Variants in CEP192 observed in about 807,000 individuals in gnomAD.
The protein encoded by CEP192 is centrosomal protein 192.
A neutral mutation model predicts 271.8 loss-of-function variants in CEP192; 151 were observed. The observed-to-expected ratio is 0.56, with a 90% CI of 0.49 to 0.64. The LOEUF is 0.64. Ranked by LOEUF, CEP192 falls within the 30% of genes least tolerant of loss-of-function variation. The probability of loss-of-function intolerance (pLI) is 0.00; values close to 1 mark genes in which losing one functional copy is unlikely to be tolerated. For missense variants in CEP192, 2,910 were observed against 3,020.5 expected (o/e 0.96, Z 0.86); for synonymous variants, 995 against 1,076.5 (o/e 0.92, Z 1.48).
At chr18:13,018,742 C>T (rs1174283914) in intron 8 of CEP192, 127 bp downstream of exon 8, 2 of 636,920 alleles carry the variant, frequency 3.1e-6, no homozygotes, top group African/African-American at 3.8e-5. Context: ...GGTCTTTAGA[C>T]AGTCTAAAAC....
At chr18:13,014,731 T>C (rs755297889) in intron 5 of CEP192, among the ~76,000 whole-genome samples, 70 of 152,220 alleles carry the variant, frequency 4.6e-4, no homozygotes, top group Non-Finnish European at 8.7e-4. Context: ...TAAGATTCCA[T>C]GTTTCTGTCT....
chr18:13,018,615 A>T lies in CEP192; in HGVS notation c.925A>T (p.Ser309Cys). 6.7e-7 allele frequency: 1 copy of T among 1,501,348 alleles called. No homozygotes were observed. The allele number at this position is 1,501,348 out of a possible 1,614,324, so 93.0% of individuals were successfully genotyped here. Residue 309 changes from serine (S) to cysteine (C), a missense_variant and splice_region_variant, in exon 8 of 45, where the codon AGT becomes TGT. By Grantham distance (112) the Ser-to-Cys change is moderately radical (BLOSUM62 -1). Coordinates refer to ENST00000506447, the MANE Select transcript of CEP192 (RefSeq NM_032142.4). ...CCAAGTTATTTGTCTACCTGGGACT[A>T]GTAAGTATAGAAATATGATTCTTTT... Reference protein sequence around the residue: ...ESQVICLPGTSNSIGTGDSRR... With the variant: ...ESQVICLPGTCNSIGTGDSRR...
chr18:13,052,870 T>C (rs2036870001), intron 17 of CEP192, 49 bp from the exon 18 acceptor site: 3 of 1,415,356 alleles, frequency 2.1e-6, no homozygotes, highest in East Asian at 2.4e-5. Flanking sequence ...CTAATGTAGA[T>C]AGTTGAAGGA....
At chr18:13,103,398 C>G (rs1369077730) in intron 38 of CEP192, 111 bp from the exon 39 acceptor site, 4 of 757,360 alleles carry the variant, frequency 5.3e-6, no homozygotes, top group Non-Finnish European at 9.4e-6. Flanking sequence ...CTTTAGGGAT[C>G]TAATGATTGG....
chr18:13,098,340 G>A (rs1300507093), intron 36 of CEP192, among the ~76,000 whole-genome samples: 2 of 152,024 alleles, frequency 1.3e-5, no homozygotes, highest in African/African-American at 2.4e-5. Flanking sequence ...CCTCCCTCCC[G>A]GACAGGGTGG....
At chr18:13,028,642 C>T (rs2035443008) in intron 9 of CEP192, among the ~76,000 whole-genome samples, 2 of 152,192 alleles carry the variant, frequency 1.3e-5, no homozygotes, top group Admixed American at 6.5e-5. Context: ...GCCTCAGCCT[C>T]CCGAGTAGCT....
intron 21 of CEP192, among the ~76,000 whole-genome samples, chr18:13,059,804 C>T (rs1479634915): frequency 6.6e-6 from 1 of 152,110 alleles, no homozygotes; most frequent in Admixed American, 6.5e-5. Flanking sequence ...CTGGGGGCTT[C>T]TAAATGTACC....
chr18:13,097,954 G>T (rs1226040105), intron 36 of CEP192, among the ~76,000 whole-genome samples: 1 of 152,166 alleles, frequency 6.6e-6, no homozygotes, highest in Non-Finnish European at 1.5e-5. Flanking sequence ...AGAACACAGG[G>T]TTGGGGGTAA....
chr18:13,043,637 C>T (rs1390013787), intron 15 of CEP192, among the ~76,000 whole-genome samples: 1 of 152,168 alleles, frequency 6.6e-6, no homozygotes, highest in African/African-American at 2.4e-5. Flanking sequence ...TCAGCTTCTA[C>T]ACACCAACCA....
chr18:13,017,662 G>A (rs1300777463), intron 7 of CEP192, among the ~76,000 whole-genome samples: 3 of 152,264 alleles, frequency 2.0e-5, no homozygotes, highest in African/African-American at 7.2e-5. Context: ...GTAAGTCACA[G>A]AGAGTATGAC....
intron 40 of CEP192, among the ~76,000 whole-genome samples, chr18:13,107,637 C>T (rs1460776226): frequency 6.6e-6 from 1 of 152,130 alleles, no homozygotes; most frequent in Non-Finnish European, 1.5e-5. Context: ...TTTTTGTTTT[C>T]TCTTCAGCAT....
chr18:13,049,958 G>A (rs2036688915), intron 17 of CEP192, 67 bp downstream of exon 17: 8 of 988,246 alleles, frequency 8.1e-6, no homozygotes, highest in Non-Finnish European at 1.2e-5. Context: ...GGAAAAAAAT[G>A]TGTAAAGAAG....
intron 19 of CEP192, 131 bp from the exon 20 acceptor site, chr18:13,057,454 A>C (rs945727551): frequency 1.0e-6 from 1 of 965,598 alleles, no homozygotes; most frequent in Non-Finnish European, 1.5e-6. Flanking sequence ...GGACTCCTTC[A>C]TCTGGAGCAC....
Position 13,069,683 on chromosome 18 carries a change from G to A in CEP192, c.5056-55G>A, listed in dbSNP as rs548263391. On this transcript the variant is annotated intron_variant, in intron 26 of 44. Coordinates refer to ENST00000506447, the MANE Select transcript of CEP192 (RefSeq NM_032142.4). Reference sequence around the variant, plus strand: ...GCACGTAAGGCAGGAGCCACTGAGCGAAAACTGCGTTTTTGTAAGTCGGCA... The same window carrying A: ...GCACGTAAGGCAGGAGCCACTGAGCAAAAACTGCGTTTTTGTAAGTCGGCA... 14 of 1,055,852 alleles carry A rather than the reference G, an allele frequency of 1.3e-5. No individual in the cohort carries two copies. In the East Asian group the frequency reaches 2.4e-4, roughly 18 times the overall value. The allele number at this position is 1,055,852 out of a possible 1,614,324, so 65.4% of individuals were successfully genotyped here.
Position 13,049,483 on chromosome 18 carries a change from A to T in CEP192, c.2692A>T (p.Thr898Ser). The T allele has an allele frequency of 1.2e-6, 2 of 1,614,124 alleles. No homozygotes were observed. The highest frequency in any genetic ancestry group is 8.5e-7 in the Non-Finnish European group (1 of 1,180,010). ...AGATGTTGGTAACGATGAAAAAGCT[A>T]CCTCAATTTCCACTCCATCTGATAG... is the stretch of plus-strand genomic sequence containing the variant. ...LQDVGNDEKA[T>S]SISTPSDSYS... The change falls in exon 16 of 45, where the codon ACC becomes TCC. Residue 898 changes from threonine to serine, a missense_variant. Coordinates refer to ENST00000506447, the MANE Select transcript of CEP192 (RefSeq NM_032142.4).
At position 13,055,858 on chromosome 18, in the gene CEP192, T is replaced by C; in HGVS notation, c.3268T>C (p.Leu1090=). The part of the protein sequence containing the change: ...AALEERAMEK[L]REKVPFQNRG... ...ATTGGAGGAACGGGCTATGGAAAAA[T>C]TGAGAGAAAAAGTTCCATTTCAGAA... Residue 1090 remains leucine, a synonymous_variant, in exon 19 of 45, where the codon TTG becomes CTG. Transcript: ENST00000506447. The C allele has an allele frequency of 6.2e-7, 1 of 1,613,460 alleles. No homozygotes were observed. The highest frequency in any genetic ancestry group is 2.2e-5 in the East Asian group (1 of 44,874).
rs754383607 is a variant in CEP192 at position 13,030,586 on chromosome 18, G to A, written c.1512G>A (p.Met504Ile). 6.2e-7 allele frequency: 1 copy of A among 1,609,820 alleles called. No individual in the cohort carries two copies. The highest frequency in any genetic ancestry group is 1.7e-5 in the Admixed American group (1 of 59,756). ...TAAATGTGTCTCTAAGTGATGAGAT[G>A]AATGAAGACTTCAGATCTGGTTGTA... is the stretch of plus-strand genomic sequence containing the variant. The part of the protein sequence containing the change: ...QNLNVSLSDE[M>I]NEDFRSGSEA... The change falls in exon 11 of 45, where the codon ATG becomes ATA. Residue 504 changes from methionine to isoleucine, a missense_variant. Transcript: ENST00000506447.
intron 1 of CEP192, among the ~76,000 whole-genome samples, chr18:12,993,363 C>A (rs1035040586): frequency 6.6e-6 from 1 of 152,148 alleles, no homozygotes; most frequent in African/African-American, 2.4e-5. Flanking sequence ...CTCAGGTTAT[C>A]CATGGGATTG....
Position 13,103,661 on chromosome 18 carries a change from A to G in CEP192, c.6951+73A>G, listed in dbSNP as rs79728053. On this transcript the variant is annotated intron_variant, in intron 39 of 44. Coordinates refer to ENST00000506447, the MANE Select transcript of CEP192 (RefSeq NM_032142.4). ...ATCCAGGATGTTCTAAAAACTGACT[A>G]TGAGCATAGGTTGATATTACTGGTT... 3,447 of 1,155,872 alleles carry G rather than the reference A, an allele frequency of 3.0e-3. 75 individuals carry two copies. In the East Asian group the frequency reaches 0.047, roughly 16 times the overall value. The allele number at this position is 1,155,872 out of a possible 1,614,324, so 71.6% of individuals were successfully genotyped here.
Sources: gnomAD v4.1 joint callset for allele counts (sites outside exome capture counted in the v4.1 genomes callset) on GRCh38, gnomAD v4.1.1 for gene constraint, MANE v1.5 for transcripts, NCBI Gene and HGNC (gene_info 2026-07-23, HGNC 2026-07-21) for gene names.